LEKR1: variants seen among roughly 807,000 people sequenced by gnomAD.
LEKR1 encodes leucine, glutamate and lysine rich 1.
A neutral mutation model predicts 72.4 loss-of-function variants in LEKR1; 59 were observed. The ratio of observed to expected loss-of-function variants is 0.82; its 90% CI spans 0.66 to 1.01. LEKR1 has a LOEUF of 1.01. LEKR1 is among the 50% of genes least tolerant of loss of function. The pLI, the probability that LEKR1 is intolerant of heterozygous loss-of-function variation, is 0.00. For missense variants in LEKR1, 728 were observed against 759.2 expected (o/e 0.96, Z 0.48); for synonymous variants, 257 against 263.2 (o/e 0.98, Z 0.23).
intron 3 of LEKR1, among the ~76,000 whole-genome samples, chr3:156,899,720 A>G (rs542123082): frequency 4.0e-4 from 52 of 128,692 alleles, no homozygotes; most frequent in African/African-American, 1.4e-3. Context: ...ACACATATAT[A>G]CATGCATATA....
At position 156,899,785 on chromosome 3, in the gene LEKR1, C is replaced by T. The variant is rs978787736; in HGVS notation, c.264-20790C>T. Among the ~76,000 whole-genome samples, 3 of 99,054 alleles carry T rather than the reference C, an allele frequency of 3.0e-5. 1 individual carries two copies. In the South Asian group the frequency reaches 1.1e-3, roughly 38 times the overall value. 65.0% of individuals were successfully genotyped at this position (99,054 alleles called of 152,430 possible). ...ATACATGCATATATACACATATATACACATATATACATGTATATATACATA... is the reference window on the plus strand; with the variant it reads ...ATACATGCATATATACACATATATATACATATATACATGTATATATACATA... On this transcript the variant is annotated intron_variant, in intron 3 of 12. Coordinates refer to ENST00000356539, the MANE Select transcript of LEKR1 (RefSeq NM_001004316.3).
chr3:156,977,079 T>G (rs1187375822), intron 6 of LEKR1, among the ~76,000 whole-genome samples: 2 of 152,182 alleles, frequency 1.3e-5, no homozygotes, highest in Non-Finnish European at 2.9e-5. Context: ...GGAGAGCCTC[T>G]CCAGAGCTGA....
chr3:157,015,448 AG>A (rs779676391), intron 10 of LEKR1, among the ~76,000 whole-genome samples: 2 of 152,190 alleles, frequency 1.3e-5, no homozygotes, highest in Non-Finnish European at 2.9e-5. Context: ...ATAAGGCCCT[AG>A]GTAGAGTGCT....
chr3:156,861,158 G>T (rs1223853902), intron 3 of LEKR1, among the ~76,000 whole-genome samples: 1 of 152,116 alleles, frequency 6.6e-6, no homozygotes, highest in African/African-American at 2.4e-5. Flanking sequence ...TGGGCCATTA[G>T]ATTTTTCTCC....
intron 3 of LEKR1, among the ~76,000 whole-genome samples, chr3:156,894,753 T>C (rs368358225): frequency 3.3e-5 from 5 of 152,190 alleles, no homozygotes; most frequent in East Asian, 3.9e-4. Flanking sequence ...CCTACAACCA[T>C]CTGATCTTTG....
At chr3:156,902,196 C>T (rs1418964158) in intron 3 of LEKR1, among the ~76,000 whole-genome samples, 1 of 151,836 alleles carries the variant, frequency 6.6e-6, no homozygotes. Flanking sequence ...ATTTGCTGAC[C>T]TATTTCCTAT....
intron 2 of LEKR1, among the ~76,000 whole-genome samples, chr3:156,838,714 A>T (rs1023718180): frequency 6.6e-6 from 1 of 152,200 alleles, no homozygotes; most frequent in Non-Finnish European, 1.5e-5. Context: ...ACAGCACCAG[A>T]CATGGCCTTC....
intron 3 of LEKR1, among the ~76,000 whole-genome samples, chr3:156,906,434 A>G (rs1576793881): frequency 6.6e-6 from 1 of 152,048 alleles, no homozygotes; most frequent in South Asian, 2.1e-4. Flanking sequence ...CCAGTGCAGG[A>G]CTCTCTCCAC....
chr3:156,899,765 T>C (rs1250418941), intron 3 of LEKR1, among the ~76,000 whole-genome samples: 1 of 120,326 alleles, frequency 8.3e-6, no homozygotes, highest in Non-Finnish European at 1.8e-5. Context: ...CACATATACA[T>C]GCATATATAC....
chr3:156,970,700 C>A (rs8179924), intron 6 of LEKR1, among the ~76,000 whole-genome samples: 61,715 of 151,718 alleles, frequency 0.41, 15,424 homozygotes, highest in East Asian at 0.73. Flanking sequence ...ACACCAATAA[C>A]AGACAGAGAG....
At chr3:156,855,379 G>GT (rs1004126058) in intron 3 of LEKR1, among the ~76,000 whole-genome samples, 48 of 151,958 alleles carry the variant, frequency 3.2e-4, no homozygotes, top group African/African-American at 7.7e-4. Context: ...ATTAGTATTT[G>GT]TTTTTTGCCA....
chr3:156,958,365 A>G (rs1340442389), intron 6 of LEKR1, among the ~76,000 whole-genome samples: 1 of 152,192 alleles, frequency 6.6e-6, no homozygotes, highest in Non-Finnish European at 1.5e-5. Flanking sequence ...TAGAAAGACT[A>G]TAGAACTACA....
chr3:156,842,608 C>T (rs344087), intron 2 of LEKR1, among the ~76,000 whole-genome samples: 128,316 of 152,126 alleles, frequency 0.84, 54,277 homozygotes, highest in African/African-American at 0.91. Context: ...CCAAAATGAG[C>T]AGTAGTAGAA....
intron 3 of LEKR1, among the ~76,000 whole-genome samples, chr3:156,892,387 A>G (rs1010581996): frequency 6.6e-6 from 1 of 152,126 alleles, no homozygotes; most frequent in African/African-American, 2.4e-5. Flanking sequence ...TCTCGGGGCA[A>G]TTTTCTTGGG....
chr3:156,909,655 C>CAAAAAA (rs10662704), intron 3 of LEKR1, among the ~76,000 whole-genome samples: 1 of 101,882 alleles, frequency 9.8e-6, no homozygotes. Flanking sequence ...GAGTCTGTCT[C>CAAAAAA]AAAAAAAAAA....
At chr3:156,833,459 C>T (rs1262837488) in intron 2 of LEKR1, among the ~76,000 whole-genome samples, 1 of 152,172 alleles carries the variant, frequency 6.6e-6, no homozygotes, top group Non-Finnish European at 1.5e-5. Context: ...ATTTTTGTGG[C>T]ATACAATTTA....
chr3:156,954,183 G>A (rs912172796), intron 6 of LEKR1, among the ~76,000 whole-genome samples: 2 of 151,688 alleles, frequency 1.3e-5, no homozygotes, highest in African/African-American at 4.8e-5. Context: ...GTCTGTTCAT[G>A]TTCTTTGCCT....
In LEKR1 at chr3:156,871,682, T is replaced by C. The variant is rs890777520; in HGVS notation, c.263+18700T>C. 7.3e-4 allele frequency among the ~76,000 whole-genome samples: 111 copies of C among 152,310 alleles called. 1 individual carries two copies. The highest frequency in any genetic ancestry group is 3.7e-4 in the Non-Finnish European group (25 of 68,018). On this transcript the variant is annotated intron_variant, in intron 3 of 12. Coordinates refer to ENST00000356539, the MANE Select transcript of LEKR1 (RefSeq NM_001004316.3). ...TGTGAGATGGTATCTCATTGTCGTT[T>C]TGATTTGCATTTCTCTGATGGCCAG...
intron 5 of LEKR1, among the ~76,000 whole-genome samples, chr3:156,930,203 A>C (rs1171469980): frequency 6.6e-6 from 1 of 152,182 alleles, no homozygotes; most frequent in Non-Finnish European, 1.5e-5. Flanking sequence ...TTAAAGATAA[A>C]TCAATAGAAA....
Sources: allele counts gnomAD v4.1 joint callset (sites outside exome capture counted in the v4.1 genomes callset), GRCh38; gene constraint gnomAD v4.1.1; transcripts MANE v1.5; gene names NCBI Gene and HGNC (gene_info 2026-07-23, HGNC 2026-07-21).